Variants in DLGAP2 observed in about 807,000 individuals in gnomAD.
DLGAP2 encodes the protein disks large-associated protein 2.
In DLGAP2, 26 loss-of-function variants were observed where a neutral mutation model predicts 100.3. That is an observed-to-expected ratio of 0.26 (90% confidence interval 0.19 to 0.36). The LOEUF (loss-of-function observed/expected upper bound fraction) is 0.36. Ranked by LOEUF, DLGAP2 falls within the 10% of genes least tolerant of loss-of-function variation. The pLI is 1.00. For synonymous variants in DLGAP2, 886 were observed against 630.1 expected (o/e 1.41, Z -6.08); for missense variants, 1,858 against 1,453.2 (o/e 1.28, Z -4.53).
intron 3 of DLGAP2, among the ~76,000 whole-genome samples, chr8:1,359,663 T>C (rs933518319): frequency 2.0e-5 from 3 of 152,312 alleles, no homozygotes; most frequent in Admixed American, 1.3e-4. Context: ...CGCTGGCAGA[T>C]AGCCATCCCC....
rs1450063590 is a variant in DLGAP2 at position 1,683,954 on chromosome 8, G to GTGTATA, written c.2704+5326_2704+5327insGTATAT. On this transcript the variant is annotated intron_variant, in intron 12 of 14. Coordinates refer to ENST00000637795, the MANE Select transcript of DLGAP2 (RefSeq NM_001346810.2). ...TATATATGTGTATATATATATGTGT[G>GTGTATA]TATATATATATATATATATATATAT... is the stretch of plus-strand genomic sequence containing the variant. Among the ~76,000 whole-genome samples the GTGTATA allele has an allele frequency of 2.8e-4, 21 of 74,734 alleles. 1 individual carries two copies. Among genetic ancestry groups the GTGTATA allele is most frequent in the African/African-American group, 8.6e-4 (14 of 16,362 alleles). The allele number at this position is 74,734 out of a possible 152,430, so 49.0% of individuals were successfully genotyped here. A position where few individuals can be genotyped will look rare whatever the true frequency, so the allele number is the denominator to read the frequency against.
intron 3 of DLGAP2, among the ~76,000 whole-genome samples, chr8:1,344,092 G>A (rs1585279932): frequency 8.1e-6 from 1 of 124,064 alleles, no homozygotes; most frequent in Non-Finnish European, 1.7e-5. Flanking sequence ...TCGTACTCGG[G>A]GCCCTGTCGT....
At chr8:1,637,494 A>G (rs1295507892) in intron 8 of DLGAP2, among the ~76,000 whole-genome samples, 1 of 152,098 alleles carries the variant, frequency 6.6e-6, no homozygotes, top group Non-Finnish European at 1.5e-5. Context: ...ACCAGCCTGC[A>G]CACCCCACAA....
chr8:1,079,537 A>G (rs372762468), intron 2 of DLGAP2, among the ~76,000 whole-genome samples: 2 of 152,118 alleles, frequency 1.3e-5, no homozygotes, highest in African/African-American at 4.8e-5. Context: ...CCCTTATTCT[A>G]TGTTTTGTGG....
chr8:1,615,929 C>G (rs934998859), intron 6 of DLGAP2, among the ~76,000 whole-genome samples: 6 of 140,354 alleles, frequency 4.3e-5, no homozygotes, highest in African/African-American at 1.0e-4. Context: ...AATGTTAGAA[C>G]TCACCACAAA....
intron 3 of DLGAP2, among the ~76,000 whole-genome samples, chr8:1,360,273 C>T (rs1215488823): frequency 5.4e-5 from 4 of 73,582 alleles, no homozygotes; most frequent in African/African-American, 2.5e-4. Context: ...CGGGGCGGGG[C>T]TTCTCTGGGG....
chr8:772,686 G>C (rs1056733468), intron 1 of DLGAP2, among the ~76,000 whole-genome samples: 1 of 152,188 alleles, frequency 6.6e-6, no homozygotes, highest in Non-Finnish European at 1.5e-5. Flanking sequence ...AAGTATTTGA[G>C]ACACTTGCAG....
rs746064749 is a variant in DLGAP2, at chr8:1,196,925, G to C, written c.74-61926G>C. On this transcript the variant is annotated intron_variant, in intron 2 of 14. Transcript: ENST00000637795. ...ATTGGTCGCTGTGATTATGGGGGCT[G>C]AGAGGTCCCACTATTGTCCATCCAC... Among the ~76,000 whole-genome samples the C allele has an allele frequency of 2.0e-5, 3 of 152,278 alleles. No individual in the cohort carries two copies. The South Asian group carries it at 6.2e-4, about 32-fold the overall frequency.
intron 8 of DLGAP2, among the ~76,000 whole-genome samples, chr8:1,646,171 T>C (rs1460421382): frequency 6.6e-6 from 1 of 152,028 alleles, no homozygotes; most frequent in East Asian, 1.9e-4. Flanking sequence ...CCAGTGTGGG[T>C]GGGCCACGTC....
intron 1 of DLGAP2, among the ~76,000 whole-genome samples, chr8:905,943 C>A (rs1266404228): frequency 6.6e-6 from 1 of 152,206 alleles, no homozygotes; most frequent in Non-Finnish European, 1.5e-5. Context: ...TGATAGAGTC[C>A]CATGCTCTGA....
chr8:1,355,827 C>G (rs1047403045), intron 3 of DLGAP2, among the ~76,000 whole-genome samples: 2 of 152,156 alleles, frequency 1.3e-5, no homozygotes, highest in South Asian at 2.1e-4. Context: ...GCCATGCCCA[C>G]CAGCCAGTCC....
intron 3 of DLGAP2, among the ~76,000 whole-genome samples, chr8:1,490,078 G>T (rs769843302): frequency 4.6e-4 from 70 of 152,112 alleles, no homozygotes; most frequent in Non-Finnish European, 2.2e-4. Flanking sequence ...ATTTTTAGTA[G>T]ACAGGGTTTC....
intron 1 of DLGAP2, among the ~76,000 whole-genome samples, chr8:883,943 A>G (rs1477544551): frequency 6.6e-6 from 1 of 152,184 alleles, no homozygotes; most frequent in Non-Finnish European, 1.5e-5. Flanking sequence ...TTCCAGCTTC[A>G]TCCATGTCCC....
chr8:1,479,744 C>T (rs1799037247), intron 3 of DLGAP2, among the ~76,000 whole-genome samples: 1 of 152,110 alleles, frequency 6.6e-6, no homozygotes, highest in African/African-American at 2.4e-5. Context: ...TTCCTTGTGC[C>T]TCATCAGAAG....
At position 1,501,391 on chromosome 8, in the gene DLGAP2, G is replaced by A; in HGVS notation, c.132G>A (p.Gln44=). 1 of 1,535,862 alleles carries A rather than the reference G, an allele frequency of 6.5e-7. No homozygotes were observed. Among genetic ancestry groups the A allele is most frequent in the Non-Finnish European group, 8.7e-7 (1 of 1,146,738 alleles). Residue 44 remains glutamine, a synonymous_variant, in exon 4 of 15, where the codon CAG becomes CAA. Transcript: ENST00000637795. The part of the protein sequence containing the change: ...PEEEEAGDLV[Q]PGISFPGPAE... ...AGGAAGAAGCTGGAGACTTGGTCCA[G>A]CCGGGCATCAGCTTTCCGGGGCCGG...
chr8:1,446,714 C>G (rs533360079), intron 3 of DLGAP2, among the ~76,000 whole-genome samples: 1 of 152,308 alleles, frequency 6.6e-6, no homozygotes, highest in African/African-American at 2.4e-5. Flanking sequence ...TTGATTCTTC[C>G]TACCAATGAT....
intron 4 of DLGAP2, among the ~76,000 whole-genome samples, chr8:1,509,669 C>G (rs1011206671): frequency 6.6e-6 from 1 of 151,926 alleles, no homozygotes; most frequent in Non-Finnish European, 1.5e-5. Flanking sequence ...ATTCACCCAC[C>G]TCTCCTGTTC....
intron 2 of DLGAP2, among the ~76,000 whole-genome samples, chr8:1,074,437 A>G (rs1803538761): frequency 1.3e-5 from 2 of 152,256 alleles, no homozygotes; most frequent in African/African-American, 2.4e-5. Context: ...GTCTCTGCCT[A>G]CAGTGTGTCC....
chr8:1,336,389 A>C (rs1801274242), intron 3 of DLGAP2, among the ~76,000 whole-genome samples: 1 of 152,196 alleles, frequency 6.6e-6, no homozygotes, highest in African/African-American at 2.4e-5. Flanking sequence ...GGCGAGGAGG[A>C]GGAGGAAAGG....
Sources: allele counts gnomAD v4.1 joint callset (sites outside exome capture counted in the v4.1 genomes callset), GRCh38; gene constraint gnomAD v4.1.1; transcripts MANE v1.5; gene names NCBI Gene and HGNC (gene_info 2026-07-23, HGNC 2026-07-21).